Variants in AHCYL2 observed in about 807,000 individuals in gnomAD.
AHCYL2 encodes adenosylhomocysteinase like 2.
Under a neutral mutation model 81.4 loss-of-function variants are expected in AHCYL2, and 28 were observed. The ratio of observed to expected loss-of-function variants is 0.34; its 90% CI spans 0.25 to 0.47. The LOEUF (loss-of-function observed/expected upper bound fraction) is 0.47, where lower values mean the gene tolerates loss of function less well. AHCYL2 is among the 20% of genes least tolerant of loss of function. The pLI, the probability that AHCYL2 is intolerant of heterozygous loss-of-function variation, is 1.00. For synonymous variants in AHCYL2, 272 were observed against 290.2 expected, an observed-to-expected ratio of 0.94 and a Z score of 0.64; for missense variants, 551 against 785.1, an observed-to-expected ratio of 0.70 and a Z score of 3.56.
intron 13 of AHCYL2, 67 bp from the exon 14 acceptor site, chr7:129,424,807 T>G: frequency 6.4e-7 from 1 of 1,558,654 alleles, no homozygotes; most frequent in Non-Finnish European, 8.8e-7. Context: ...CATGCTTCTC[T>G]TCCCTCACTT....
intron 1 of AHCYL2, 76 bp from the exon 2 acceptor site, chr7:129,379,562 C>T: frequency 9.4e-7 from 1 of 1,067,002 alleles, no homozygotes; most frequent in Non-Finnish European, 1.4e-6. Context: ...AGGTGAAAGC[C>T]TGTAATACAA....
At chr7:129,370,454 TGG>T (rs1469940449) in intron 1 of AHCYL2, among the ~76,000 whole-genome samples, 66 of 152,220 alleles carry the variant, frequency 4.3e-4, no homozygotes, top group Non-Finnish European at 4.9e-4. Context: ...CCCAGCACTT[TGG>T]GGGAGGCCAG....
rs1796263498 is a variant in AHCYL2, at chr7:129,405,554, A to G, written c.1143-282A>G. ...AACCCTTACATATAGGATTGGTTAG[A>G]TGGCAGGGAGTGAGAAAATATGTAT... On this transcript the variant is annotated intron_variant, in intron 8 of 16. Coordinates refer to ENST00000325006, the MANE Select transcript of AHCYL2 (RefSeq NM_015328.4). The G allele has an allele frequency of 7.6e-6, 3 of 396,838 alleles. No individual in the cohort carries two copies. The Admixed American group carries it at 1.3e-4, about 17-fold the overall frequency. 24.6% of individuals were successfully genotyped at this position (396,838 alleles called of 1,614,324 possible). A position where few individuals can be genotyped will look rare whatever the true frequency, so the allele number is the denominator to read the frequency against.
At chr7:129,324,824 A>G (rs1284767860) in intron 1 of AHCYL2, among the ~76,000 whole-genome samples, 1 of 152,122 alleles carries the variant, frequency 6.6e-6, no homozygotes, top group East Asian at 1.9e-4. Context: ...CTGGCTTATT[A>G]CTTCTAACTC....
intron 1 of AHCYL2, among the ~76,000 whole-genome samples, chr7:129,249,802 A>G (rs1170531412): frequency 6.6e-6 from 1 of 152,042 alleles, no homozygotes; most frequent in African/African-American, 2.4e-5. Flanking sequence ...GAATTTGCCT[A>G]TTCTGGGTAC....
intron 1 of AHCYL2, among the ~76,000 whole-genome samples, chr7:129,346,302 T>C (rs1238587069): frequency 6.6e-6 from 1 of 152,164 alleles, no homozygotes. Flanking sequence ...TCTCAGAGCC[T>C]CAGTTTTTTC....
At chr7:129,392,338 A>T (rs1473272673) in intron 4 of AHCYL2, among the ~76,000 whole-genome samples, 1 of 152,194 alleles carries the variant, frequency 6.6e-6, no homozygotes, top group African/African-American at 2.4e-5. Flanking sequence ...GGAGGCTAGG[A>T]AGTCCAAGAT....
At chr7:129,239,068 C>G (rs908188850) in intron 1 of AHCYL2, among the ~76,000 whole-genome samples, 3 of 152,172 alleles carry the variant, frequency 2.0e-5, no homozygotes, top group Admixed American at 6.5e-5. Context: ...TAACCAAAAT[C>G]ATGGGAGACT....
intron 5 of AHCYL2, among the ~76,000 whole-genome samples, chr7:129,398,349 ATTTTTAT>A (rs1259760875): frequency 1.4e-5 from 2 of 147,050 alleles, no homozygotes; most frequent in African/African-American, 5.0e-5. Context: ...ATTTAATTTA[ATTTTTAT>A]TTTTTATTTT....
rs187509451 is a variant in AHCYL2 at position 129,336,456 on chromosome 7, A to G, written c.364-43182A>G. On this transcript the variant is annotated intron_variant, in intron 1 of 16. Transcript: ENST00000325006. ...TTATGATCACAGAATAAGTGTTACA[A>G]ATTTTTCAGTGGTAACTTAATCCAG... 2.6e-5 allele frequency among the ~76,000 whole-genome samples: 4 copies of G among 152,232 alleles called. No homozygotes were observed. The East Asian group carries it at 5.8e-4, about 22-fold the overall frequency.
intron 2 of AHCYL2, among the ~76,000 whole-genome samples, chr7:129,382,136 G>A (rs1474383666): frequency 6.6e-6 from 1 of 152,048 alleles, no homozygotes; most frequent in Non-Finnish European, 1.5e-5. Flanking sequence ...TGGCATCTTC[G>A]TAACACAGAC....
chr7:129,397,453 T>C, intron 5 of AHCYL2, 129 bp downstream of exon 5: 1 of 949,696 alleles, frequency 1.1e-6, no homozygotes, highest in East Asian at 2.7e-5. Context: ...ATCTCGATTC[T>C]TCATGAATTT....
At chr7:129,328,058 A>C (rs1798287973) in intron 1 of AHCYL2, among the ~76,000 whole-genome samples, 1 of 152,228 alleles carries the variant, frequency 6.6e-6, no homozygotes, top group Non-Finnish European at 1.5e-5. Context: ...TCTGCCTCCC[A>C]AAGGGCTGGG....
intron 1 of AHCYL2, among the ~76,000 whole-genome samples, chr7:129,239,048 T>C (rs971020035): frequency 6.6e-6 from 1 of 152,216 alleles, no homozygotes; most frequent in African/African-American, 2.4e-5. Flanking sequence ...CTGTTAGGAC[T>C]GGCTCAGACT....
Position 129,257,566 on chromosome 7 carries a change from T to C in AHCYL2, c.363+32127T>C, listed in dbSNP as rs546306550. Among the ~76,000 whole-genome samples the C allele has an allele frequency of 7.9e-5, 12 of 152,306 alleles. 1 individual carries two copies. The highest frequency in any genetic ancestry group is 2.9e-4 in the African/African-American group (12 of 41,578). ...GTGGAAGTATGGACTGGTCTGACCA[T>C]TTTGAAGGATGGTACTTAATCAGAT... On this transcript the variant is annotated intron_variant, in intron 1 of 16. Transcript: ENST00000325006.
chr7:129,408,045 G>T (rs1796385756), intron 10 of AHCYL2, among the ~76,000 whole-genome samples: 1 of 152,166 alleles, frequency 6.6e-6, no homozygotes, highest in African/African-American at 2.4e-5. Flanking sequence ...ATACATTTGG[G>T]GGAGTGGTAC....
intron 1 of AHCYL2, among the ~76,000 whole-genome samples, chr7:129,317,750 T>G (rs561306448): frequency 6.6e-6 from 1 of 152,202 alleles, no homozygotes; most frequent in South Asian, 2.1e-4. Context: ...GCAACACATC[T>G]TCTTGGTTAC....
At chr7:129,329,268 C>T (rs540577729) in intron 1 of AHCYL2, among the ~76,000 whole-genome samples, 1 of 152,328 alleles carries the variant, frequency 6.6e-6, no homozygotes, top group African/African-American at 2.4e-5. Flanking sequence ...TAGCCTCCAC[C>T]TCCTGGGCTC....
chr7:129,315,830 G>A (rs1228696274), intron 1 of AHCYL2, among the ~76,000 whole-genome samples: 6 of 152,182 alleles, frequency 3.9e-5, no homozygotes, highest in Non-Finnish European at 8.8e-5. Context: ...GTAGAGAGGG[G>A]AGAAAATGGT....
Sources: allele counts gnomAD v4.1 joint callset (sites outside exome capture counted in the v4.1 genomes callset), GRCh38; gene constraint gnomAD v4.1.1; transcripts MANE v1.5; gene names NCBI Gene and HGNC (gene_info 2026-07-23, HGNC 2026-07-21).